Variants in UGT1A10 observed in about 807,000 individuals in gnomAD.
The protein encoded by UGT1A10 is UDP-glucuronosyltransferase 1A10.
In UGT1A10, 49 loss-of-function variants were observed where a neutral mutation model predicts 45.8. The observed-to-expected ratio is 1.07, with a 90% confidence interval of 0.85 to 1.36. The LOEUF (loss-of-function observed/expected upper bound fraction) is 1.36, where lower values mean the gene tolerates loss of function less well. Ranked by LOEUF, UGT1A10 falls within the 40% of genes most tolerant of loss-of-function variation. UGT1A10 has a pLI of 0.00. For synonymous variants in UGT1A10, 284 were observed against 249.7 expected, an observed-to-expected ratio of 1.14 and a Z score of -1.29; for missense variants, 745 against 668.6, an observed-to-expected ratio of 1.11 and a Z score of -1.26.
chr2:233,743,340 A>AGTCGAC, intron 1 of UGT1A10: 1 of 778,214 alleles, frequency 1.3e-6, no homozygotes, highest in Non-Finnish European at 2.0e-6. Flanking sequence ...TTTCAGTGGA[A>AGTCGAC]GTCGACATGG....
At chr2:233,689,291 C>T (rs1219127255) in intron 1 of UGT1A10, among the ~76,000 whole-genome samples, 1 of 151,482 alleles carries the variant, frequency 6.6e-6, no homozygotes, top group Non-Finnish European at 1.5e-5. Flanking sequence ...CTGGGGTTCA[C>T]TCACCCAGCA....
At position 233,772,966 on chromosome 2, in the gene UGT1A10, C is replaced by T; in HGVS notation, c.*407C>T. ...CTTCTGCAGATGGTTGCAATTGATCCTTAACCAATAATGGTCAGTCCTCAT... is the reference window on the plus strand; with the variant it reads ...CTTCTGCAGATGGTTGCAATTGATCTTTAACCAATAATGGTCAGTCCTCAT... On this transcript the variant is annotated 3_prime_UTR_variant, in exon 5 of 5. Transcript: ENST00000344644. 1 of 310,570 alleles carries T rather than the reference C, an allele frequency of 3.2e-6. No homozygotes were observed. The highest frequency in any genetic ancestry group is 3.3e-5 in the South Asian group (1 of 30,476). The allele number at this position is 310,570 out of a possible 1,614,324, so 19.2% of individuals were successfully genotyped here.
At chr2:233,727,134 A>G (rs920073471) in intron 1 of UGT1A10, among the ~76,000 whole-genome samples, 2 of 152,208 alleles carry the variant, frequency 1.3e-5, no homozygotes, top group Non-Finnish European at 2.9e-5. Flanking sequence ...AGAGGGGAAC[A>G]AGACCACACA....
At chr2:233,753,608 G>C (rs980639486) in intron 1 of UGT1A10, 1 of 152,136 alleles carries the variant, frequency 6.6e-6, no homozygotes, top group Non-Finnish European at 1.5e-5. Flanking sequence ...TGCCCCAAAA[G>C]GTCTTCATTT....
At chr2:233,652,922 C>G (rs1364378921) in intron 1 of UGT1A10, among the ~76,000 whole-genome samples, 1 of 152,184 alleles carries the variant, frequency 6.6e-6, no homozygotes, top group East Asian at 1.9e-4. Flanking sequence ...TGATGTGACA[C>G]ACACATTGTT....
chr2:233,645,910 TG>T (rs1247050869), intron 1 of UGT1A10, among the ~76,000 whole-genome samples: 1 of 152,254 alleles, frequency 6.6e-6, no homozygotes, highest in South Asian at 2.1e-4. Context: ...TTGCTCTGTT[TG>T]GGGGCTTCAA....
intron 1 of UGT1A10, among the ~76,000 whole-genome samples, chr2:233,733,592 A>T (rs1213678980): frequency 6.6e-6 from 1 of 152,156 alleles, no homozygotes; most frequent in East Asian, 1.9e-4. Flanking sequence ...GGTTCTGTTT[A>T]TGTGATGGAT....
In UGT1A10 at chr2:233,772,261, G is replaced by A. The variant is rs1212085876; in HGVS notation, c.1296-1G>A. On this transcript the variant is annotated splice_acceptor_variant, in intron 4 of 4. Coordinates refer to ENST00000344644, the MANE Select transcript of UGT1A10 (RefSeq NM_019075.4). LOFTEE classifies it high-confidence loss of function. ...CATAACGAAACTGTCTTTGTGTTTA[G>A]TTACAAGGAGAACATCATGCGCCTC... The A allele has an allele frequency of 1.9e-5, 30 of 1,614,162 alleles. No homozygotes were observed. Among genetic ancestry groups the A allele is most frequent in the Non-Finnish European group, 2.5e-5 (30 of 1,180,064 alleles).
At chr2:233,713,359 T>C (rs773018216) in intron 1 of UGT1A10, 18 of 1,614,046 alleles carry the variant, frequency 1.1e-5, no homozygotes, top group Non-Finnish European at 1.4e-5. Flanking sequence ...ATGTCTTTGA[T>C]CATACATAGG....
chr2:233,693,736 C>T, intron 1 of UGT1A10: 1 of 1,614,224 alleles, frequency 6.2e-7, no homozygotes, highest in South Asian at 1.1e-5. Context: ...TGGATATAAT[C>T]ACCTTATATC....
intron 1 of UGT1A10, among the ~76,000 whole-genome samples, chr2:233,702,130 C>T (rs1460341129): frequency 2.0e-5 from 3 of 152,142 alleles, no homozygotes; most frequent in South Asian, 2.1e-4. Context: ...CATTTTCAGT[C>T]ACTCCCAAAG....
At chr2:233,727,543 C>G (rs1033335466) in intron 1 of UGT1A10, among the ~76,000 whole-genome samples, 5 of 152,154 alleles carry the variant, frequency 3.3e-5, no homozygotes, top group Non-Finnish European at 7.3e-5. Flanking sequence ...GTGTTCCACC[C>G]GTCACCTGGG....
intron 1 of UGT1A10, among the ~76,000 whole-genome samples, chr2:233,733,067 T>G (rs1039618890): frequency 2.0e-5 from 3 of 152,180 alleles, no homozygotes; most frequent in Non-Finnish European, 4.4e-5. Flanking sequence ...ATTCTCTTTG[T>G]AGCAATTGTG....
intron 1 of UGT1A10, among the ~76,000 whole-genome samples, chr2:233,683,150 C>T (rs1362078912): frequency 1.3e-5 from 2 of 152,148 alleles, no homozygotes; most frequent in South Asian, 2.1e-4. Context: ...GAATTGTTTT[C>T]AATTTTTTTG....
intron 1 of UGT1A10, chr2:233,689,792 C>T: frequency 2.3e-6 from 1 of 426,678 alleles, no homozygotes; most frequent in South Asian, 1.7e-5. Context: ...ATGATGTGAT[C>T]TGTAGTTTCT....
At chr2:233,704,490 AT>A (rs1395033136) in intron 1 of UGT1A10, among the ~76,000 whole-genome samples, 8 of 152,084 alleles carry the variant, frequency 5.3e-5, no homozygotes, top group African/African-American at 1.9e-4. Context: ...TTATGATATT[AT>A]TGTTATACGT....
chr2:233,668,236 C>T (rs1038397285), intron 1 of UGT1A10, among the ~76,000 whole-genome samples: 14 of 152,012 alleles, frequency 9.2e-5, no homozygotes, highest in South Asian at 2.1e-4. Context: ...CCCCGGTGTG[C>T]GATATTCCCC....
intron 1 of UGT1A10, among the ~76,000 whole-genome samples, chr2:233,661,558 A>G (rs1337738260): frequency 6.6e-6 from 1 of 152,158 alleles, no homozygotes; most frequent in Non-Finnish European, 1.5e-5. Flanking sequence ...TGAGATAAAA[A>G]GATATTTTGG....
At chr2:233,656,365 G>C (rs2073853131) in intron 1 of UGT1A10, among the ~76,000 whole-genome samples, 1 of 152,212 alleles carries the variant, frequency 6.6e-6, no homozygotes, top group Non-Finnish European at 1.5e-5. Context: ...GAAAGTTACT[G>C]AAATCAGCCT....
Sources: gnomAD v4.1 joint callset for allele counts (sites outside exome capture counted in the v4.1 genomes callset) on GRCh38, gnomAD v4.1.1 for gene constraint, MANE v1.5 for transcripts, NCBI Gene and HGNC (gene_info 2026-07-23, HGNC 2026-07-21) for gene names.